Variants in SLCO6A1 observed in about 807,000 individuals in gnomAD.
SLCO6A1 encodes cancer/testis antigen 48.
In SLCO6A1, 65 loss-of-function variants were observed where a neutral mutation model predicts 72.7. That is an observed-to-expected ratio of 0.89 (90% CI 0.73 to 1.10). The LOEUF is 1.10. Among genes scored for constraint, SLCO6A1 ranks in the 50% least tolerant of loss-of-function variants. SLCO6A1 has a pLI of 0.00. For missense variants in SLCO6A1, 874 were observed against 872.6 expected, an observed-to-expected ratio of 1.00 and a Z score of -0.02; for synonymous variants, 314 against 298.2, an observed-to-expected ratio of 1.05 and a Z score of -0.55.
At chr5:102,390,365 T>C (rs1244548760) in intron 11 of SLCO6A1, among the ~76,000 whole-genome samples, 1 of 152,202 alleles carries the variant, frequency 6.6e-6, no homozygotes, top group Non-Finnish European at 1.5e-5. Flanking sequence ...GATCTAGCTA[T>C]AGAATTTCTC....
chr5:102,462,886 GAATCCCAAAGCA>G (rs1751113850), intron 4 of SLCO6A1, among the ~76,000 whole-genome samples: 1 of 152,104 alleles, frequency 6.6e-6, no homozygotes, highest in Admixed American at 6.6e-5. Context: ...TAATGAACAA[GAATCCCAAAGCA>G]AATCCTAAAG....
At chr5:102,397,689 T>C (rs186455865) in intron 10 of SLCO6A1, among the ~76,000 whole-genome samples, 11 of 152,260 alleles carry the variant, frequency 7.2e-5, no homozygotes, top group African/African-American at 2.6e-4. Flanking sequence ...CAGAAATATA[T>C]GTTAGAGATA....
intron 6 of SLCO6A1, among the ~76,000 whole-genome samples, chr5:102,451,614 C>T (rs1206151511): frequency 6.6e-6 from 1 of 152,180 alleles, no homozygotes; most frequent in Non-Finnish European, 1.5e-5. Flanking sequence ...TTGCAAAGAT[C>T]TGTGGCAGAA....
chr5:102,390,919 G>T (rs537588153), intron 11 of SLCO6A1, 62 bp downstream of exon 11: 1 of 1,323,726 alleles, frequency 7.6e-7, no homozygotes, highest in Non-Finnish European at 1.1e-6. Context: ...AAATACACAT[G>T]TAGACATATA....
intron 6 of SLCO6A1, among the ~76,000 whole-genome samples, chr5:102,440,568 G>C (rs1035142025): frequency 6.6e-6 from 1 of 152,058 alleles, no homozygotes; most frequent in Non-Finnish European, 1.5e-5. Context: ...CCATGAGCTT[G>C]AATCATCCTA....
At chr5:102,407,968 C>G (rs1461120262) in intron 9 of SLCO6A1, among the ~76,000 whole-genome samples, 1 of 152,082 alleles carries the variant, frequency 6.6e-6, no homozygotes, top group African/African-American at 2.4e-5. Flanking sequence ...GATTGCTGAC[C>G]TTAGAACTGA....
intron 6 of SLCO6A1, among the ~76,000 whole-genome samples, chr5:102,442,789 C>T (rs981701913): frequency 2.0e-5 from 3 of 152,158 alleles, no homozygotes; most frequent in African/African-American, 4.8e-5. Context: ...ACGGGTTGCG[C>T]GCAGTGGCTC....
chr5:102,489,933 G>GT (rs1561503226), intron 1 of SLCO6A1, among the ~76,000 whole-genome samples: 2 of 152,138 alleles, frequency 1.3e-5, no homozygotes, highest in African/African-American at 2.4e-5. Context: ...ATAAAATCCT[G>GT]TTTTTTACTA....
At chr5:102,384,051 A>G (rs899476477) in intron 12 of SLCO6A1, among the ~76,000 whole-genome samples, 94 of 151,738 alleles carry the variant, frequency 6.2e-4, no homozygotes, top group African/African-American at 2.2e-3. Flanking sequence ...TTATAATTTT[A>G]TTTATTTGAG....
chr5:102,417,826 T>C (rs553960937), intron 8 of SLCO6A1, among the ~76,000 whole-genome samples: 2 of 152,188 alleles, frequency 1.3e-5, no homozygotes, highest in African/African-American at 4.8e-5. Context: ...ACCCTGTCTC[T>C]ACTAAAAATA....
At chr5:102,396,683 G>T (rs1046077963) in intron 10 of SLCO6A1, among the ~76,000 whole-genome samples, 10 of 152,150 alleles carry the variant, frequency 6.6e-5, no homozygotes, top group Admixed American at 5.9e-4. Context: ...GGGGTTTGTT[G>T]TTCACTTTTA....
chr5:102,443,332 T>A (rs1376907), intron 6 of SLCO6A1, among the ~76,000 whole-genome samples: 39,013 of 152,138 alleles, frequency 0.26, 5,232 homozygotes, highest in South Asian at 0.34. Context: ...GACTATTTTC[T>A]TCATATTTAC....
At chr5:102,413,835 G>A (rs1457549557) in intron 8 of SLCO6A1, among the ~76,000 whole-genome samples, 1 of 151,968 alleles carries the variant, frequency 6.6e-6, no homozygotes, top group African/African-American at 2.4e-5. Context: ...CATATTTTGG[G>A]TTTTAATAGG....
At position 102,472,312 on chromosome 5, in the gene SLCO6A1, G is replaced by A. The variant is rs75702510; in HGVS notation, c.899+3385C>T. Among the ~76,000 whole-genome samples, 9 of 152,238 alleles carry A rather than the reference G, an allele frequency of 5.9e-5. No individual in the cohort carries two copies. In the East Asian group the frequency reaches 1.7e-3, roughly 29 times the overall value. On this transcript the variant is annotated intron_variant, in intron 4 of 13. Transcript: ENST00000506729. ...ATACTAGCTGGGTAAGAACCCAAGTGAGTTGCCAGGGGAACTAGCAGGATA... is the reference window on the plus strand; with the variant it reads ...ATACTAGCTGGGTAAGAACCCAAGTAAGTTGCCAGGGGAACTAGCAGGATA...
chr5:102,446,818 G>A (rs925399436), intron 6 of SLCO6A1, among the ~76,000 whole-genome samples: 4 of 152,090 alleles, frequency 2.6e-5, no homozygotes, highest in African/African-American at 7.2e-5. Flanking sequence ...GCAGTGGAGC[G>A]ATCTCGGCTC....
intron 9 of SLCO6A1, among the ~76,000 whole-genome samples, chr5:102,402,724 T>C (rs1305389223): frequency 6.6e-6 from 1 of 152,150 alleles, no homozygotes; most frequent in Non-Finnish European, 1.5e-5. Flanking sequence ...CATTAATCTC[T>C]TGATGAGGGC....
chr5:102,423,276 T>G (rs1252995986), intron 7 of SLCO6A1, among the ~76,000 whole-genome samples: 1 of 152,094 alleles, frequency 6.6e-6, no homozygotes, highest in Non-Finnish European at 1.5e-5. Flanking sequence ...CATAACAATA[T>G]TAACCTTAAA....
intron 12 of SLCO6A1, among the ~76,000 whole-genome samples, chr5:102,381,218 A>G (rs992665948): frequency 2.0e-5 from 3 of 151,664 alleles, no homozygotes; most frequent in Non-Finnish European, 4.4e-5. Context: ...CCTTTGACCA[A>G]TATCTCTCAT....
At position 102,419,835 on chromosome 5, in the gene SLCO6A1, T is replaced by C; in HGVS notation, c.1463A>G (p.Asp488Gly). 1 of 1,595,410 alleles carries C rather than the reference T, an allele frequency of 6.3e-7. No individual in the cohort carries two copies. Among genetic ancestry groups the C allele is most frequent in the South Asian group, 1.2e-5 (1 of 86,370 alleles). Residue 488 changes from aspartate to glycine, a missense_variant, in exon 8 of 14, where the codon GAT becomes GGT. Coordinates refer to ENST00000506729, the MANE Select transcript of SLCO6A1 (RefSeq NM_173488.5). ...NPVQFAGINEDYDGTGKLGNL... is the reference protein window; with the variant it reads ...NPVQFAGINEGYDGTGKLGNL... ...ACAAGACTACATTTACCCATCATAA[T>C]CTTCATTGATCCCAGCAAATTGCAC...
Sources: gnomAD v4.1 joint callset for allele counts (sites outside exome capture counted in the v4.1 genomes callset) on GRCh38, gnomAD v4.1.1 for gene constraint, MANE v1.5 for transcripts, NCBI Gene and HGNC (gene_info 2026-07-23, HGNC 2026-07-21) for gene names.